The following SLC25A12 variants were observed in gnomAD, a reference collection of about 807,000 sequenced individuals.
SLC25A12 encodes the protein electrogenic aspartate/glutamate antiporter SLC25A12, mitochondrial.
Under a neutral mutation model 83.3 loss-of-function variants are expected in SLC25A12, and 32 were observed. That is an observed-to-expected ratio of 0.38 (90% confidence interval 0.29 to 0.52). SLC25A12 has a LOEUF of 0.52. Among genes scored for constraint, SLC25A12 ranks in the 20% least tolerant of loss-of-function variants. The pLI, the probability that SLC25A12 is intolerant of heterozygous loss-of-function variation, is 0.84. For synonymous variants in SLC25A12, 267 were observed against 291.1 expected (o/e 0.92, Z 0.84); for missense variants, 611 against 835.6 (o/e 0.73, Z 3.31).
chr2:171,886,579 G>A (rs183886369), intron 2 of SLC25A12, among the ~76,000 whole-genome samples: 7 of 151,268 alleles, frequency 4.6e-5, no homozygotes, highest in African/African-American at 7.3e-5. Flanking sequence ...GCGCGATCTC[G>A]GCTCACTGCA....
At chr2:171,871,818 G>T (rs902101012) in intron 2 of SLC25A12, 2 of 840,624 alleles carry the variant, frequency 2.4e-6, no homozygotes, top group Admixed American at 6.3e-5. Flanking sequence ...CAAAGCATTT[G>T]AGAGGTGGGA....
intron 11 of SLC25A12, among the ~76,000 whole-genome samples, chr2:171,811,204 C>G (rs965330345): frequency 6.6e-6 from 1 of 152,150 alleles, no homozygotes; most frequent in African/African-American, 2.4e-5. Context: ...TGATCTTAAG[C>G]CTGCTTTGAG....
intron 8 of SLC25A12, 97 bp downstream of exon 8, chr2:171,833,865 GA>G: frequency 1.3e-6 from 1 of 757,248 alleles, no homozygotes; most frequent in Admixed American, 2.0e-5. Flanking sequence ...CAAATACATG[GA>G]AAAAACTCAT....
intron 4 of SLC25A12, among the ~76,000 whole-genome samples, chr2:171,855,624 A>G (rs1286847204): frequency 6.6e-6 from 1 of 152,252 alleles, no homozygotes; most frequent in African/African-American, 2.4e-5. Context: ...AATGAGCTAA[A>G]GCAACAGCAT....
chr2:171,800,321 CTT>C (rs1373533263), intron 13 of SLC25A12, among the ~76,000 whole-genome samples: 6 of 83,764 alleles, frequency 7.2e-5, no homozygotes, highest in Non-Finnish European at 1.4e-4. Flanking sequence ...TGAACAGATA[CTT>C]CACACACACA....
At position 171,834,852 on chromosome 2, in the gene SLC25A12, C is replaced by T. The variant is rs770751330; in HGVS notation, c.626G>A (p.Ser209Asn). ...EENLVSAAGG[S>N]ISHQVSFSYF... ...GGAGAAGCTAACCTGGTGTGAGATA[C>T]TTCCTCCAGCTGCCTAGAAAATGAC... The change falls in exon 7 of 18, where the codon AGT becomes AAT. Residue 209 changes from serine (S) to asparagine (N), a missense_variant. Coordinates refer to ENST00000422440, the MANE Select transcript of SLC25A12 (RefSeq NM_003705.5). 33 of 1,613,816 alleles carry T rather than the reference C, an allele frequency of 2.0e-5. No homozygotes were observed. Among genetic ancestry groups the T allele is most frequent in the Non-Finnish European group, 2.8e-5 (33 of 1,179,894 alleles).
chr2:171,851,178 T>TA (rs1357343806), intron 4 of SLC25A12, among the ~76,000 whole-genome samples: 1 of 151,960 alleles, frequency 6.6e-6, no homozygotes, highest in Non-Finnish European at 1.5e-5. Flanking sequence ...GACAACAGTT[T>TA]GTTGTGGTTT....
intron 15 of SLC25A12, among the ~76,000 whole-genome samples, chr2:171,791,246 C>A (rs535765188): frequency 6.6e-6 from 1 of 152,268 alleles, no homozygotes; most frequent in Middle Eastern, 3.4e-3. Context: ...TGCTAAGCTG[C>A]ATTAAGCTGT....
intron 15 of SLC25A12, among the ~76,000 whole-genome samples, chr2:171,790,479 C>T (rs149970820): frequency 6.6e-6 from 1 of 152,312 alleles, no homozygotes; most frequent in African/African-American, 2.4e-5. Flanking sequence ...CTTAGTACCT[C>T]CCTGCTCTTA....
At chr2:171,892,827 G>A (rs1323370345) in intron 2 of SLC25A12, among the ~76,000 whole-genome samples, 2 of 152,116 alleles carry the variant, frequency 1.3e-5, no homozygotes, top group Non-Finnish European at 2.9e-5. Context: ...TAGCTCATAA[G>A]TAGGAAAACT....
At chr2:171,800,358 T>C (rs1683686697) in intron 13 of SLC25A12, among the ~76,000 whole-genome samples, 1 of 150,966 alleles carries the variant, frequency 6.6e-6, no homozygotes, top group African/African-American at 2.4e-5. Context: ...CATATACGAA[T>C]AGCCAATAAA....
chr2:171,884,954 C>T (rs1685784718), intron 2 of SLC25A12, among the ~76,000 whole-genome samples: 2 of 152,128 alleles, frequency 1.3e-5, no homozygotes, highest in South Asian at 4.1e-4. Flanking sequence ...TGGCTCACGC[C>T]TATAATCCCA....
At chr2:171,875,765 T>C (rs1685551809) in intron 2 of SLC25A12, among the ~76,000 whole-genome samples, 1 of 151,802 alleles carries the variant, frequency 6.6e-6, no homozygotes, top group Admixed American at 6.6e-5. Flanking sequence ...TACAAAAAAT[T>C]AGCTGGGTGT....
chr2:171,886,654 C>A (rs947865092), intron 2 of SLC25A12, among the ~76,000 whole-genome samples: 1 of 151,870 alleles, frequency 6.6e-6, no homozygotes, highest in African/African-American at 2.4e-5. Context: ...GGACTACAGG[C>A]ACCCGCCACC....
At chr2:171,801,205 G>T (rs918106500) in intron 13 of SLC25A12, among the ~76,000 whole-genome samples, 1 of 152,116 alleles carries the variant, frequency 6.6e-6, no homozygotes, top group Non-Finnish European at 1.5e-5. Context: ...GATTTATTTT[G>T]ACACAATCAA....
At chr2:171,818,819 T>C (rs555945603) in intron 9 of SLC25A12, among the ~76,000 whole-genome samples, 46 of 151,870 alleles carry the variant, frequency 3.0e-4, no homozygotes, top group Admixed American at 1.6e-3. Context: ...CTCTTTCAAA[T>C]GACACACTAT....
chr2:171,789,400 T>C (rs926807179), intron 15 of SLC25A12, among the ~76,000 whole-genome samples: 2 of 152,090 alleles, frequency 1.3e-5, no homozygotes, highest in African/African-American at 4.8e-5. Flanking sequence ...GGCTAATTTT[T>C]TGTATTTTTA....
chr2:171,797,124 T>G (rs1247590883), intron 13 of SLC25A12, among the ~76,000 whole-genome samples: 1 of 152,222 alleles, frequency 6.6e-6, no homozygotes, highest in Non-Finnish European at 1.5e-5. Flanking sequence ...AAGCACTGCT[T>G]GCAGTAAATA....
chr2:171,854,325 T>C (rs574892023), intron 4 of SLC25A12, among the ~76,000 whole-genome samples: 5 of 152,204 alleles, frequency 3.3e-5, no homozygotes, highest in African/African-American at 7.2e-5. Flanking sequence ...TCCCAGCACT[T>C]TGGGAGGCCG....
Sources: gnomAD v4.1 joint callset for allele counts (sites outside exome capture counted in the v4.1 genomes callset) on GRCh38, gnomAD v4.1.1 for gene constraint, MANE v1.5 for transcripts, NCBI Gene and HGNC (gene_info 2026-07-23, HGNC 2026-07-21) for gene names.